Variants in DACH1 observed in about 807,000 individuals in gnomAD.
DACH1 encodes dachshund family transcription factor 1.
In DACH1, 12 loss-of-function variants were observed where a neutral mutation model predicts 54.2. The observed-to-expected ratio is 0.22, with a 90% confidence interval of 0.14 to 0.36. The LOEUF (loss-of-function observed/expected upper bound fraction) is 0.36. Ranked by LOEUF, DACH1 falls within the 10% of genes least tolerant of loss-of-function variation. The pLI is 1.00. For missense variants in DACH1, 805 were observed against 929.8 expected (o/e 0.87, Z 1.75); for synonymous variants, 386 against 366.2 (o/e 1.05, Z -0.62).
intron 1 of DACH1, among the ~76,000 whole-genome samples, chr13:71,845,644 C>T (rs997885413): frequency 6.6e-6 from 1 of 152,118 alleles, no homozygotes; most frequent in Non-Finnish European, 1.5e-5. Context: ...AAATAGCTTA[C>T]TCTGACAGTA....
At chr13:71,604,041 G>A (rs1874703208) in intron 3 of DACH1, among the ~76,000 whole-genome samples, 1 of 151,724 alleles carries the variant, frequency 6.6e-6, no homozygotes, top group Non-Finnish European at 1.5e-5. Flanking sequence ...GGGGCTTGAT[G>A]GGATACATTC....
At chr13:71,790,446 T>G (rs183866262) in intron 1 of DACH1, among the ~76,000 whole-genome samples, 7 of 152,290 alleles carry the variant, frequency 4.6e-5, no homozygotes, top group Non-Finnish European at 8.8e-5. Flanking sequence ...TTTGATGACT[T>G]GACTTAGAGT....
intron 3 of DACH1, among the ~76,000 whole-genome samples, chr13:71,585,205 AAAATAAAC>A (rs150408262): frequency 0.11 from 15,981 of 152,094 alleles, 1,480 homozygotes; most frequent in East Asian, 0.41. Flanking sequence ...GGAGGTTGAA[AAAATAAAC>A]AAATAAATAA....
intron 1 of DACH1, among the ~76,000 whole-genome samples, chr13:71,720,735 A>G (rs1883194257): frequency 6.6e-6 from 1 of 152,192 alleles, no homozygotes; most frequent in South Asian, 2.1e-4. Context: ...TAAAAGATCC[A>G]GATCAATATA....
chr13:71,733,907 G>A lies in DACH1; in HGVS notation c.849-51997C>T, dbSNP rs115729275. 4.1e-3 allele frequency among the ~76,000 whole-genome samples: 629 copies of A among 152,064 alleles called. 3 individuals are homozygous for A. The highest frequency in any genetic ancestry group is 0.014 in the African/African-American group (566 of 41,428). On this transcript the variant is annotated intron_variant, in intron 1 of 10. Coordinates refer to ENST00000613252, the MANE Select transcript of DACH1 (RefSeq NM_080759.6). ...CTACTAAAAATACAACAATTAGCCA[G>A]GCATGGTGGCCCGTACCTGTAGTCC... is the stretch of plus-strand genomic sequence containing the variant.
At chr13:71,509,654 A>G (rs919903190) in intron 6 of DACH1, among the ~76,000 whole-genome samples, 1 of 152,076 alleles carries the variant, frequency 6.6e-6, no homozygotes, top group Non-Finnish European at 1.5e-5. Flanking sequence ...AATATTAACA[A>G]TGATATTCAG....
At chr13:71,836,992 A>T in intron 1 of DACH1, among the ~76,000 whole-genome samples, 1 of 151,776 alleles carries the variant, frequency 6.6e-6, no homozygotes, top group Non-Finnish European at 1.5e-5. Context: ...TGTAGTTTTC[A>T]TCACTTTATA....
rs1566351045 is a variant in DACH1 at position 71,573,031 on chromosome 13, T to C, written c.1127-19A>G. 2.5e-6 allele frequency: 4 copies of C among 1,610,430 alleles called. No individual in the cohort carries two copies. The highest frequency in any genetic ancestry group is 2.2e-5 in the East Asian group (1 of 44,788). On this transcript the variant is annotated intron_variant, in intron 3 of 10. Transcript: ENST00000613252. Reference sequence around the variant, plus strand: ...TCCAGTCCTATAAAAAATGCACATATATCATCATTGCTCTGGAGGACATAA... The same window carrying C: ...TCCAGTCCTATAAAAAATGCACATACATCATCATTGCTCTGGAGGACATAA...
At chr13:71,500,858 A>C (rs1014928137) in intron 6 of DACH1, among the ~76,000 whole-genome samples, 1 of 152,028 alleles carries the variant, frequency 6.6e-6, no homozygotes, top group Non-Finnish European at 1.5e-5. Context: ...GAATCTACTT[A>C]AAAAGTGGTT....
chr13:71,573,326 T>A, intron 3 of DACH1: 1 of 668,044 alleles, frequency 1.5e-6, no homozygotes, highest in Non-Finnish European at 2.7e-6. Context: ...TATGTAAATA[T>A]AGTATATCTC....
intron 10 of DACH1, among the ~76,000 whole-genome samples, chr13:71,457,680 T>C (rs533325720): frequency 4.7e-4 from 71 of 152,158 alleles, no homozygotes; most frequent in South Asian, 8.3e-4. Flanking sequence ...CTCTTATTAC[T>C]GTCTTTTCTT....
chr13:71,602,009 T>C (rs1874530672), intron 3 of DACH1, among the ~76,000 whole-genome samples: 1 of 152,016 alleles, frequency 6.6e-6, no homozygotes, highest in Non-Finnish European at 1.5e-5. Flanking sequence ...ATGCATTGAA[T>C]ACCCTTGGCT....
intron 2 of DACH1, among the ~76,000 whole-genome samples, chr13:71,643,790 G>T (rs1258427103): frequency 6.6e-6 from 1 of 151,894 alleles, no homozygotes; most frequent in Non-Finnish European, 1.5e-5. Flanking sequence ...TTAAATTACA[G>T]CCATGTGTGA....
intron 3 of DACH1, among the ~76,000 whole-genome samples, chr13:71,579,277 G>A (rs1301050529): frequency 6.6e-6 from 1 of 152,014 alleles, no homozygotes; most frequent in Non-Finnish European, 1.5e-5. Context: ...ACCTACTTAA[G>A]ATATTGGTAT....
intron 3 of DACH1, among the ~76,000 whole-genome samples, chr13:71,592,513 A>AAAAAAAAAAAAAAAAG (rs768010399): frequency 1.4e-5 from 2 of 145,814 alleles, no homozygotes; most frequent in African/African-American, 5.1e-5. Context: ...AAAAAAAAAA[A>AAAAAAAAAAAAAAAAG]AAAAGAAAAG....
rs190137956 is a variant in DACH1 at position 71,853,760 on chromosome 13, A to T, written c.848+12162T>A. Among the ~76,000 whole-genome samples, 124 of 152,342 alleles carry T rather than the reference A, an allele frequency of 8.1e-4. 1 individual carries two copies. Among genetic ancestry groups the T allele is most frequent in the African/African-American group, 2.4e-3 (99 of 41,576 alleles). ...CAAATGAAAAAGTAGAAATTACTGC[A>T]TGCAAATATTCAATATTCATTTAAT... On this transcript the variant is annotated intron_variant, in intron 1 of 10. Transcript: ENST00000613252.
At chr13:71,645,446 G>A (rs1184648141) in intron 2 of DACH1, among the ~76,000 whole-genome samples, 2 of 152,176 alleles carry the variant, frequency 1.3e-5, no homozygotes, top group South Asian at 2.1e-4. Context: ...TCTTCTTTAA[G>A]AGAAAAAGCC....
intron 2 of DACH1, among the ~76,000 whole-genome samples, chr13:71,639,846 A>T (rs566638325): frequency 6.8e-4 from 103 of 152,168 alleles, no homozygotes; most frequent in African/African-American, 2.3e-3. Context: ...ACTGTTACCT[A>T]ATTTATAAAA....
intron 3 of DACH1, among the ~76,000 whole-genome samples, chr13:71,622,320 T>A (rs1876306667): frequency 6.6e-6 from 1 of 151,972 alleles, no homozygotes; most frequent in Non-Finnish European, 1.5e-5. Context: ...AATATTGGAC[T>A]ACAAACACCC....
Sources: allele counts gnomAD v4.1 joint callset (sites outside exome capture counted in the v4.1 genomes callset), GRCh38; gene constraint gnomAD v4.1.1; transcripts MANE v1.5; gene names NCBI Gene and HGNC (gene_info 2026-07-23, HGNC 2026-07-21).